ZFAND4: variants seen among roughly 807,000 people sequenced by gnomAD.
The protein encoded by ZFAND4 is zinc finger AN1-type containing 4.
Under a neutral mutation model 64.4 loss-of-function variants are expected in ZFAND4, and 43 were observed. That is an observed-to-expected ratio of 0.67 (90% CI 0.52 to 0.86). The LOEUF (loss-of-function observed/expected upper bound fraction) is 0.86, where lower values mean the gene tolerates loss of function less well. Among genes scored for constraint, ZFAND4 ranks in the 40% least tolerant of loss-of-function variants. ZFAND4 has a pLI of 0.00. For missense variants in ZFAND4, 929 were observed against 859.8 expected, an observed-to-expected ratio of 1.08 and a Z score of -1.01; for synonymous variants, 296 against 305.7, an observed-to-expected ratio of 0.97 and a Z score of 0.33.
At position 45,653,076 on chromosome 10, in the gene ZFAND4, T is replaced by TA. The variant is rs553043896; in HGVS notation, c.185-18dup. ...TGGGAATACCTTAAGGGAAAGTTAT[T>TA]AAAAAAAAGTGTTAAAGAATTCAAT... On this transcript the variant is annotated splice_polypyrimidine_tract_variant and intron_variant, in intron 2 of 9. Transcript: ENST00000344646. The TA allele has an allele frequency of 6.2e-4, 973 of 1,574,124 alleles. 1 individual carries two copies. The highest frequency in any genetic ancestry group is 8.0e-4 in the Non-Finnish European group (916 of 1,150,536).
At chr10:45,651,827 C>A in intron 4 of ZFAND4, 139 bp downstream of exon 4, 1 of 749,240 alleles carries the variant, frequency 1.3e-6, no homozygotes, top group South Asian at 1.7e-5. Flanking sequence ...TTTTAAAGAA[C>A]AATGCCTAGA....
rs766126154 is a variant in ZFAND4 at position 45,624,632 on chromosome 10, G to A, written c.1878C>T (p.Thr626=). ...QLEHTGVFLS[T]HGVGMNGNNA... is the part of the protein sequence containing the mutation. ...TATTTCCATTCATTCCAACACCATG[G>A]GTAGACTACAATTAAAACACAAAAC... Residue 626 remains threonine (T), a synonymous_variant, in exon 8 of 10, where the codon ACC becomes ACT. Coordinates refer to ENST00000344646, the MANE Select transcript of ZFAND4 (RefSeq NM_174890.4). The A allele has an allele frequency of 2.5e-6, 4 of 1,613,098 alleles. No individual in the cohort carries two copies. The East Asian group carries it at 8.9e-5, about 36-fold the overall frequency.
chr10:45,649,674 AC>A (rs1217750134), intron 4 of ZFAND4: 1 of 152,212 alleles, frequency 6.6e-6, no homozygotes, highest in Admixed American at 6.5e-5. Context: ...GTTTTGATTT[AC>A]TTTCACAGGC....
chr10:45,626,421 T>C lies in ZFAND4; in HGVS notation c.1402A>G (p.Lys468Glu). ...VLNYRELSPH[K>E]NRLLSPLRCS... is the part of the protein sequence containing the mutation. Reference sequence around the variant, plus strand: ...CGAAGAGGTGACAAGAGTCTATTCTTGTGAGGACTTAATTCCCGGTAGTTA... The same window carrying C: ...CGAAGAGGTGACAAGAGTCTATTCTCGTGAGGACTTAATTCCCGGTAGTTA... The change falls in exon 7 of 10, where the codon AAG becomes GAG. Residue 468 changes from lysine to glutamate, a missense_variant. Coordinates refer to ENST00000344646, the MANE Select transcript of ZFAND4 (RefSeq NM_174890.4). 3 of 1,613,990 alleles carry C rather than the reference T, an allele frequency of 1.9e-6. No individual in the cohort carries two copies. The highest frequency in any genetic ancestry group is 2.5e-6 in the Non-Finnish European group (3 of 1,180,030).
rs141515378 is a variant in ZFAND4, at chr10:45,625,953, A to C, written c.1870T>G (p.Leu624Val). 2.4e-5 allele frequency: 39 copies of C among 1,612,260 alleles called. No individual in the cohort carries two copies. The Middle Eastern group carries it at 5.1e-4, about 21-fold the overall frequency. ...CATGTTGAAAGGAAAATACTGACCAAAAAAACTCCTGTATGTTCTAACTGG... is the reference window on the plus strand; with the variant it reads ...CATGTTGAAAGGAAAATACTGACCACAAAAACTCCTGTATGTTCTAACTGG... The part of the protein sequence containing the change: ...SPQLEHTGVF[L>V]STHGVGMNGN... Residue 624 changes from leucine (L) to valine (V), a missense_variant and splice_region_variant, in exon 7 of 10, where the codon TTG becomes GTG. Leu to Val is a conservative substitution (Grantham distance 32, BLOSUM62 1). Coordinates refer to ENST00000344646, the MANE Select transcript of ZFAND4 (RefSeq NM_174890.4).
intron 2 of ZFAND4, among the ~76,000 whole-genome samples, chr10:45,659,316 C>T (rs2048326266): frequency 6.6e-6 from 1 of 152,156 alleles, no homozygotes; most frequent in East Asian, 1.9e-4. Flanking sequence ...TAACAAGGCT[C>T]CAGTATAACA....
chr10:45,668,671 A>G (rs929811030), intron 1 of ZFAND4, among the ~76,000 whole-genome samples: 1 of 152,252 alleles, frequency 6.6e-6, no homozygotes, highest in Non-Finnish European at 1.5e-5. Flanking sequence ...TAGCAAATGT[A>G]AAACAACAGA....
At chr10:45,648,674 C>T (rs2047557112) in intron 4 of ZFAND4, 140 bp from the exon 5 acceptor site, 2 of 984,994 alleles carry the variant, frequency 2.0e-6, no homozygotes, top group East Asian at 6.1e-5. Flanking sequence ...AAATAAGTTT[C>T]TGATCTTTCT....
chr10:45,651,157 A>C (rs2047730429), intron 4 of ZFAND4: 1 of 155,072 alleles, frequency 6.4e-6, no homozygotes, highest in Non-Finnish European at 1.4e-5. Flanking sequence ...GGTCCACAGA[A>C]GAGGATGCTC....
chr10:45,641,683 C>T (rs2047009104), intron 5 of ZFAND4, among the ~76,000 whole-genome samples: 1 of 152,348 alleles, frequency 6.6e-6, no homozygotes, highest in East Asian at 1.9e-4. Context: ...AGTATGATAA[C>T]TGACACAAGT....
chr10:45,630,801 G>A (rs1259074703), intron 6 of ZFAND4, among the ~76,000 whole-genome samples: 1 of 151,888 alleles, frequency 6.6e-6, no homozygotes, highest in Non-Finnish European at 1.5e-5. Flanking sequence ...AAAAGGATAA[G>A]AGAGAAGGTG....
In ZFAND4 at chr10:45,621,344, C is replaced by T. The variant is rs1263943642; in HGVS notation, c.1928-3084G>A. Among the ~76,000 whole-genome samples, 12 of 151,380 alleles carry T rather than the reference C, an allele frequency of 7.9e-5. No homozygotes were observed. In the East Asian group the frequency reaches 2.3e-3, roughly 29 times the overall value. ...GGAAGCAAGTTACACAGCTCTACTG[C>T]AGCTAGCAGCTGATACTTCAAATCT... On this transcript the variant is annotated intron_variant, in intron 8 of 9. Transcript: ENST00000344646.
chr10:45,645,405 T>A (rs545778018), intron 5 of ZFAND4, among the ~76,000 whole-genome samples: 1 of 152,218 alleles, frequency 6.6e-6, no homozygotes, highest in South Asian at 2.1e-4. Context: ...CATGGACTTA[T>A]CCATCATCAG....
At chr10:45,656,568 G>A (rs2048137732) in intron 2 of ZFAND4, among the ~76,000 whole-genome samples, 1 of 148,232 alleles carries the variant, frequency 6.7e-6, no homozygotes, top group African/African-American at 2.5e-5. Context: ...AAACTGTAAT[G>A]GAAAACTTAA....
intron 6 of ZFAND4, among the ~76,000 whole-genome samples, chr10:45,628,891 T>G (rs112121507): frequency 0.061 from 7,380 of 121,612 alleles, 296 homozygotes; most frequent in African/African-American, 0.13. Context: ...AGTATGGAGC[T>G]TCACCAAAAA....
At chr10:45,617,941 A>T in intron 9 of ZFAND4, 199 bp downstream of exon 9, 1 of 435,756 alleles carries the variant, frequency 2.3e-6, no homozygotes, top group Non-Finnish European at 4.0e-6. Context: ...ACAAGGAAGG[A>T]TCTGTTTTTG....
At chr10:45,644,899 C>T (rs1465495571) in intron 5 of ZFAND4, among the ~76,000 whole-genome samples, 1 of 151,334 alleles carries the variant, frequency 6.6e-6, no homozygotes, top group Non-Finnish European at 1.5e-5. Context: ...GTGAACTCTG[C>T]TATAACTGAT....
At chr10:45,649,528 G>A (rs112042470) in intron 4 of ZFAND4, among the ~76,000 whole-genome samples, 1,702 of 152,196 alleles carry the variant, frequency 0.011, 42 homozygotes, top group African/African-American at 0.038. Flanking sequence ...TGCAGCAATA[G>A]GAAAATATTA....
intron 7 of ZFAND4, 66 bp from the exon 8 acceptor site, chr10:45,624,703 T>C: frequency 7.7e-7 from 1 of 1,293,578 alleles, no homozygotes; most frequent in Non-Finnish European, 1.1e-6. Context: ...TCAACAAACA[T>C]GAAATACTTG....
Sources: gnomAD v4.1 joint callset for allele counts (sites outside exome capture counted in the v4.1 genomes callset) on GRCh38, gnomAD v4.1.1 for gene constraint, MANE v1.5 for transcripts, NCBI Gene and HGNC (gene_info 2026-07-23, HGNC 2026-07-21) for gene names.